The following FANCA variants were observed in gnomAD, a reference collection of about 807,000 sequenced individuals.
The protein encoded by FANCA is Fanconi anemia group A protein.
FANCA carries 236 observed loss-of-function variants against 194.3 expected under a neutral mutation model. That is an observed-to-expected ratio of 1.21 (90% CI 1.09 to 1.35). The LOEUF (loss-of-function observed/expected upper bound fraction) is 1.35, where lower values mean the gene tolerates loss of function less well. FANCA is among the 40% of genes most tolerant of loss of function. The probability of loss-of-function intolerance (pLI) is 0.00; values close to 1 mark genes in which losing one functional copy is unlikely to be tolerated. For missense variants in FANCA, 2,628 were observed against 1,813.9 expected (o/e 1.45, Z -8.15); for synonymous variants, 1,014 against 715.8 (o/e 1.42, Z -6.65).
Position 89,761,956 on chromosome 16 carries a change from T to C in FANCA, c.2845A>G (p.Thr949Ala), listed in dbSNP as rs753133187. ...IQPEADALSD[T>A]ERQDFHQWAI... ...GCTCTTTTCAACACTTACCGTTCAGTATCTGAAAGAGCATCAGCTTCAGGT... is the reference window on the plus strand; with the variant it reads ...GCTCTTTTCAACACTTACCGTTCAGCATCTGAAAGAGCATCAGCTTCAGGT... Residue 949 changes from threonine (T) to alanine (A), a missense_variant, in exon 29 of 43, where the codon ACT becomes GCT. Physicochemically the swap from Thr to Ala is moderately conservative, Grantham distance 58 (BLOSUM62 0). Coordinates refer to ENST00000389301, the MANE Select transcript of FANCA (RefSeq NM_000135.4). 1.2e-6 allele frequency: 2 copies of C among 1,613,780 alleles called. No homozygotes were observed. Among genetic ancestry groups the C allele is most frequent in the South Asian group, 2.2e-5 (2 of 91,082 alleles).
At chr16:89,753,011 A>C (rs969712874) in intron 30 of FANCA, among the ~76,000 whole-genome samples, 3 of 152,188 alleles carry the variant, frequency 2.0e-5, no homozygotes, top group South Asian at 4.1e-4. Context: ...GCTGTGCTTC[A>C]GTGGTCATGC....
At chr16:89,792,413 C>G in intron 12 of FANCA, 58 bp downstream of exon 12, 1 of 1,535,808 alleles carries the variant, frequency 6.5e-7, no homozygotes, top group Non-Finnish European at 9.0e-7. Flanking sequence ...AAGTACTAGG[C>G]AGATCTTAAT....
rs2238532 is a variant in FANCA at position 89,797,264 on chromosome 16, T to G, written c.894-1246A>C. On this transcript the variant is annotated intron_variant, in intron 10 of 42. Coordinates refer to ENST00000389301, the MANE Select transcript of FANCA (RefSeq NM_000135.4). The stretch of plus-strand genomic sequence containing the variant: ...GAGAATCGCTTGAACCCAGGAGGCA[T>G]AGGTTGTAGTAAACCGAGATCGTGC... Among the ~76,000 whole-genome samples the G allele has an allele frequency of 5.5e-3, 834 of 150,926 alleles. 6 individuals are homozygous for G. Among genetic ancestry groups the G allele is most frequent in the African/African-American group, 0.02 (804 of 41,050 alleles).
intron 20 of FANCA, among the ~76,000 whole-genome samples, chr16:89,777,016 C>T (rs1368399913): frequency 1.3e-5 from 2 of 151,726 alleles, no homozygotes; most frequent in East Asian, 3.9e-4. Context: ...GAGAGAGAAG[C>T]CTGGGCAACA....
rs756478412 is a variant in FANCA at position 89,764,992 on chromosome 16, G to T, written c.2676C>A (p.Ser892=). 9.3e-6 allele frequency: 15 copies of T among 1,614,146 alleles called. No homozygotes were observed. The highest frequency in any genetic ancestry group is 1.3e-5 in the African/African-American group (1 of 74,962). The part of the protein sequence containing the change: ...PLSEEDVASL[S]WRPLHLPSAD... ...CAGAAGGAAGGTGCAAGGGTCTCCA[G>T]GAAAGGCTGGCTACGTCCTCCTCAG... Residue 892 remains serine (S), a synonymous_variant, in exon 28 of 43, where the codon TCC becomes TCA. Transcript: ENST00000389301.
chr16:89,758,965 C>T (rs903189531), intron 29 of FANCA, among the ~76,000 whole-genome samples: 2 of 152,048 alleles, frequency 1.3e-5, no homozygotes, highest in Non-Finnish European at 2.9e-5. Context: ...AGGATGACAT[C>T]CCACGGGGTA....
At chr16:89,740,351 G>A (rs1168119439) in intron 38 of FANCA, 1 of 537,826 alleles carries the variant, frequency 1.9e-6, no homozygotes. Flanking sequence ...TAAAAGAAAG[G>A]CCCACAGGCC....
intron 15 of FANCA, among the ~76,000 whole-genome samples, chr16:89,783,435 C>A (rs773516105): frequency 3.3e-5 from 5 of 151,636 alleles, no homozygotes; most frequent in Non-Finnish European, 7.4e-5. Context: ...CCAGTAGTCC[C>A]AGCTACTCGG....
At chr16:89,770,410 T>C in intron 24 of FANCA, 151 bp from the exon 25 acceptor site, 1 of 1,015,028 alleles carries the variant, frequency 9.9e-7, no homozygotes, top group Non-Finnish European at 1.5e-6. Context: ...TCTGCAGTGC[T>C]TCCCAACTTC....
At chr16:89,744,907 G>C (rs2143086126) in intron 36 of FANCA, 52 bp downstream of exon 36, 4 of 1,521,850 alleles carry the variant, frequency 2.6e-6, no homozygotes, top group East Asian at 4.6e-5. Flanking sequence ...ACCTTGAGCA[G>C]GTCCCGAAGT....
At chr16:89,801,323 G>A (rs9927694) in intron 8 of FANCA, among the ~76,000 whole-genome samples, 64,239 of 135,902 alleles carry the variant, frequency 0.47, 15,811 homozygotes, top group East Asian at 0.98. Flanking sequence ...CAGCCCGGGC[G>A]ACAGAGCAAG....
Position 89,791,469 on chromosome 16 carries a change from G to GA in FANCA, c.1292dup (p.Leu432ProfsTer53), listed in dbSNP as rs1416639878. The GA allele has an allele frequency of 2.5e-6, 4 of 1,614,032 alleles. No individual in the cohort carries two copies. The highest frequency in any genetic ancestry group is 2.7e-5 in the African/African-American group (2 of 74,922). On this transcript the variant is annotated frameshift_variant, in exon 14 of 43. Coordinates refer to ENST00000389301, the MANE Select transcript of FANCA (RefSeq NM_000135.4). LOFTEE classifies it high-confidence loss of function. The stretch of plus-strand genomic sequence containing the variant: ...CCAGTGCTGCCTGGCGCACAACCAG[G>GA]AACGCAGTGACCATGCTGTCCAGCT...
chr16:89,780,769 A>G (rs1182394082), intron 17 of FANCA, among the ~76,000 whole-genome samples: 2 of 152,018 alleles, frequency 1.3e-5, no homozygotes, highest in South Asian at 2.1e-4. Flanking sequence ...TGTCTGCAAA[A>G]AATTTTAGAA....
chr16:89,788,956 A>G (rs2039981416), intron 14 of FANCA, among the ~76,000 whole-genome samples: 1 of 152,110 alleles, frequency 6.6e-6, no homozygotes, highest in South Asian at 2.1e-4. Context: ...ACAGCACTTC[A>G]GAGTATTCCT....
chr16:89,750,253 A>G (rs2038538144), intron 31 of FANCA, among the ~76,000 whole-genome samples: 1 of 152,102 alleles, frequency 6.6e-6, no homozygotes, highest in Non-Finnish European at 1.5e-5. Flanking sequence ...AGGCCAAGGC[A>G]GGAGGATCAC....
intron 5 of FANCA, among the ~76,000 whole-genome samples, chr16:89,808,720 G>T (rs936426622): frequency 2.0e-5 from 3 of 152,058 alleles, no homozygotes; most frequent in African/African-American, 4.8e-5. Context: ...GCCTTCACTG[G>T]CTCCTCGAAG....
chr16:89,779,827 C>G, intron 18 of FANCA, 42 bp downstream of exon 18: 1 of 1,553,694 alleles, frequency 6.4e-7, no homozygotes, highest in Non-Finnish European at 8.9e-7. Context: ...GCGGTCTGCA[C>G]ACACTGCAGC....
At chr16:89,789,830 A>T (rs954413796) in intron 14 of FANCA, among the ~76,000 whole-genome samples, 1 of 152,174 alleles carries the variant, frequency 6.6e-6, no homozygotes, top group Non-Finnish European at 1.5e-5. Context: ...TTCAAAGCTG[A>T]TATCTCAAAT....
chr16:89,749,792 C>A lies in FANCA; in HGVS notation c.3177G>T (p.Leu1059=), dbSNP rs2143138665. The A allele has an allele frequency of 6.2e-7, 1 of 1,614,242 alleles. No homozygotes were observed. The highest frequency in any genetic ancestry group is 1.1e-5 in the South Asian group (1 of 91,084). The change falls in exon 32 of 43, where the codon CTG becomes CTT. Residue 1059 remains leucine (L), a synonymous_variant. Transcript: ENST00000389301. ...FEIFRRRLQA[L]TSGWSVAASL... is the part of the protein sequence containing the mutation. ...TGGCAGCCACGCTCCACCCGCTTGT[C>A]AGAGCCTGGAGCCGTCTGCGGAAAA...
Sources: gnomAD v4.1 joint callset for allele counts (sites outside exome capture counted in the v4.1 genomes callset) on GRCh38, gnomAD v4.1.1 for gene constraint, MANE v1.5 for transcripts, NCBI Gene and HGNC (gene_info 2026-07-23, HGNC 2026-07-21) for gene names.